The following DEPTOR variants were observed in gnomAD, a reference collection of about 807,000 sequenced individuals.
DEPTOR encodes DEP domain-containing mTOR-interacting protein.
DEPTOR carries 41 observed loss-of-function variants against 41.6 expected under a neutral mutation model. The ratio of observed to expected loss-of-function variants is 0.98; its 90% CI spans 0.77 to 1.28. The LOEUF (loss-of-function observed/expected upper bound fraction) is 1.28, where lower values mean the gene tolerates loss of function less well. Among genes scored for constraint, DEPTOR ranks in the 50% most tolerant of loss-of-function variants. The pLI is 0.00. For missense variants in DEPTOR, 514 were observed against 527.9 expected (o/e 0.97, Z 0.26); for synonymous variants, 195 against 192.3 (o/e 1.01, Z -0.12).
intron 3 of DEPTOR, among the ~76,000 whole-genome samples, chr8:119,945,361 G>A (rs1828258033): frequency 6.6e-6 from 1 of 152,128 alleles, no homozygotes. Context: ...AATAATCTTA[G>A]CCATCATTTA....
rs940192205 is a variant in DEPTOR, at chr8:119,991,114, T to G, written c.605-10411T>G. Reference sequence around the variant, plus strand: ...TTTCTTTCTTTCTTTCTTTCTTTCTTTCTTTTTTTTTTAAATCTTTTATTC... The same window carrying G: ...TTTCTTTCTTTCTTTCTTTCTTTCTGTCTTTTTTTTTTAAATCTTTTATTC... On this transcript the variant is annotated intron_variant, in intron 4 of 8. Coordinates refer to ENST00000286234, the MANE Select transcript of DEPTOR (RefSeq NM_022783.4). 2.7e-4 allele frequency among the ~76,000 whole-genome samples: 23 copies of G among 85,458 alleles called. 1 individual carries two copies. The highest frequency in any genetic ancestry group is 8.4e-4 in the African/African-American group (22 of 26,064). 56.1% of individuals were successfully genotyped at this position (85,458 alleles called of 152,430 possible). A position where few individuals can be genotyped will look rare whatever the true frequency, so the allele number is the denominator to read the frequency against.
intron 6 of DEPTOR, among the ~76,000 whole-genome samples, chr8:120,005,507 C>G (rs1431313459): frequency 1.3e-5 from 2 of 151,858 alleles, no homozygotes; most frequent in East Asian, 3.9e-4. Context: ...CGCTGCCTTT[C>G]CTTGTCTGCT....
At chr8:119,902,242 T>C (rs1827604074) in intron 1 of DEPTOR, among the ~76,000 whole-genome samples, 1 of 152,144 alleles carries the variant, frequency 6.6e-6, no homozygotes, top group Non-Finnish European at 1.5e-5. Context: ...GAATAAAAAA[T>C]ATGCTAAGTG....
In DEPTOR at chr8:120,050,758, A is replaced by G. The variant is rs1031204449; in HGVS notation, c.*1054A>G. On this transcript the variant is annotated 3_prime_UTR_variant, in exon 9 of 9. Coordinates refer to ENST00000286234, the MANE Select transcript of DEPTOR (RefSeq NM_022783.4). ...CGCACGTTTTCATTTTTGGTCTAGA[A>G]AATAGTGCATTTTGGGGCTCAGCGT... 1.3e-5 allele frequency: 2 copies of G among 152,152 alleles called. No homozygotes were observed. The highest frequency in any genetic ancestry group is 4.8e-5 in the African/African-American group (2 of 41,448). 9.4% of individuals were successfully genotyped at this position (152,152 alleles called of 1,614,324 possible). A position where few individuals can be genotyped will look rare whatever the true frequency, so the allele number is the denominator to read the frequency against.
At chr8:119,910,606 A>G (rs142963324) in intron 1 of DEPTOR, among the ~76,000 whole-genome samples, 1 of 151,666 alleles carries the variant, frequency 6.6e-6, no homozygotes, top group Non-Finnish European at 1.5e-5. Context: ...GTGCCCAGCT[A>G]AGTTTTGTAT....
At chr8:119,965,786 T>C (rs1024098172) in intron 4 of DEPTOR, among the ~76,000 whole-genome samples, 4 of 152,344 alleles carry the variant, frequency 2.6e-5, no homozygotes, top group African/African-American at 4.8e-5. Context: ...AGTTGGGAAG[T>C]GGATGCCTCC....
At chr8:119,958,198 T>C (rs143867742) in intron 3 of DEPTOR, among the ~76,000 whole-genome samples, 2 of 152,352 alleles carry the variant, frequency 1.3e-5, no homozygotes, top group Admixed American at 6.5e-5. Context: ...CACATTCATC[T>C]GCTTGCTGAA....
chr8:119,906,955 A>ACT (rs1185532819), intron 1 of DEPTOR, among the ~76,000 whole-genome samples: 2 of 152,198 alleles, frequency 1.3e-5, no homozygotes, highest in African/African-American at 4.8e-5. Flanking sequence ...GGATATTGTG[A>ACT]CTCTCTTGGC....
At chr8:120,016,063 A>G (rs1439537901) in intron 8 of DEPTOR, among the ~76,000 whole-genome samples, 1 of 152,154 alleles carries the variant, frequency 6.6e-6, no homozygotes, top group Non-Finnish European at 1.5e-5. Flanking sequence ...AGCTGCTTTA[A>G]AAACAAAAAC....
At chr8:119,993,843 G>T in intron 4 of DEPTOR, among the ~76,000 whole-genome samples, 1 of 151,388 alleles carries the variant, frequency 6.6e-6, no homozygotes, top group Non-Finnish European at 1.5e-5. Flanking sequence ...ATGGAGTATT[G>T]CATGTTAATG....
chr8:120,004,169 G>A (rs1812398256), intron 6 of DEPTOR, among the ~76,000 whole-genome samples: 1 of 152,188 alleles, frequency 6.6e-6, no homozygotes, highest in African/African-American at 2.4e-5. Context: ...AGCACTAATT[G>A]ATGCAGTTCA....
chr8:119,952,228 G>A (rs766777365), intron 3 of DEPTOR, among the ~76,000 whole-genome samples: 2 of 152,182 alleles, frequency 1.3e-5, no homozygotes, highest in Non-Finnish European at 2.9e-5. Flanking sequence ...TTGCTCCTTA[G>A]TTGGGATATG....
intron 8 of DEPTOR, among the ~76,000 whole-genome samples, chr8:120,021,232 G>A (rs569346759): frequency 2.6e-5 from 4 of 151,852 alleles, no homozygotes; most frequent in African/African-American, 9.7e-5. Flanking sequence ...GCGAAACCCC[G>A]TCTCTACTAA....
intron 1 of DEPTOR, among the ~76,000 whole-genome samples, chr8:119,887,974 C>T (rs117073195): frequency 0.051 from 7,683 of 152,040 alleles, 303 homozygotes; most frequent in South Asian, 0.17. Flanking sequence ...TGTGTGCCAA[C>T]ACACCTGGCT....
chr8:119,965,174 A>T (rs1828540543), intron 3 of DEPTOR, 58 bp from the exon 4 acceptor site: 1 of 1,519,114 alleles, frequency 6.6e-7, no homozygotes, highest in Non-Finnish European at 8.8e-7. Context: ...TATGATTTCA[A>T]ATGAGCTGTT....
At chr8:119,898,881 A>G (rs1005830946) in intron 1 of DEPTOR, among the ~76,000 whole-genome samples, 1 of 152,152 alleles carries the variant, frequency 6.6e-6, no homozygotes, top group Non-Finnish European at 1.5e-5. Flanking sequence ...GATGCCTACC[A>G]CTTATTTCAT....
rs1208473015 is a variant in DEPTOR, at chr8:119,912,902, T to C, written c.123-15498T>C. 2.6e-5 allele frequency among the ~76,000 whole-genome samples: 4 copies of C among 152,094 alleles called. No individual in the cohort carries two copies. In the East Asian group the frequency reaches 7.7e-4, roughly 29 times the overall value. On this transcript the variant is annotated intron_variant, in intron 1 of 8. Transcript: ENST00000286234. ...TAATAAAAAGGATCAGAATCTAGCT[T>C]TGTTTTTTTGTTTTTGTTTTTTGTT...
At chr8:120,038,592 C>CAAAAAAA (rs34679088) in intron 8 of DEPTOR, among the ~76,000 whole-genome samples, 2 of 108,508 alleles carry the variant, frequency 1.8e-5, no homozygotes, top group Non-Finnish European at 2.0e-5. Context: ...GACCCTATCT[C>CAAAAAAA]AAAAAAAAAA....
intron 4 of DEPTOR, among the ~76,000 whole-genome samples, chr8:119,970,298 A>G (rs1828615901): frequency 6.6e-6 from 1 of 152,188 alleles, no homozygotes; most frequent in East Asian, 1.9e-4. Flanking sequence ...TGTATGTTGT[A>G]CTTATTAAAT....
Sources: gnomAD v4.1 joint callset for allele counts (sites outside exome capture counted in the v4.1 genomes callset) on GRCh38, gnomAD v4.1.1 for gene constraint, MANE v1.5 for transcripts, NCBI Gene and HGNC (gene_info 2026-07-23, HGNC 2026-07-21) for gene names.